Variants in C8orf34 observed in about 807,000 individuals in gnomAD.
C8orf34 encodes the protein uncharacterized protein C8orf34.
In C8orf34, 65 loss-of-function variants were observed where a neutral mutation model predicts 68.3. That is an observed-to-expected ratio of 0.95 (90% CI 0.78 to 1.17). The LOEUF is 1.17. Among genes scored for constraint, C8orf34 ranks in the 50% most tolerant of loss-of-function variants. The pLI is 0.00. For missense variants in C8orf34, 664 were observed against 655.4 expected (o/e 1.01, Z -0.14); for synonymous variants, 244 against 241.2 (o/e 1.01, Z -0.11).
intron 1 of C8orf34, among the ~76,000 whole-genome samples, chr8:68,404,700 T>C (rs756656925): frequency 6.6e-6 from 1 of 152,208 alleles, no homozygotes; most frequent in Non-Finnish European, 1.5e-5. Flanking sequence ...TGTGGCATTA[T>C]TTCTAAGGCC....
intron 9 of C8orf34, among the ~76,000 whole-genome samples, chr8:68,713,943 A>G (rs1821397022): frequency 1.3e-5 from 2 of 152,200 alleles, no homozygotes; most frequent in African/African-American, 4.8e-5. Context: ...ATAATTCACC[A>G]TGATCAAGTG....
intron 7 of C8orf34, among the ~76,000 whole-genome samples, chr8:68,626,546 A>T (rs541815705): frequency 1.3e-5 from 2 of 152,310 alleles, no homozygotes; most frequent in African/African-American, 4.8e-5. Context: ...ATATTATGTA[A>T]CCCAATGCAG....
chr8:68,771,582 C>T (rs1358676322), intron 10 of C8orf34, among the ~76,000 whole-genome samples: 2 of 152,168 alleles, frequency 1.3e-5, no homozygotes, highest in Non-Finnish European at 2.9e-5. Context: ...CCAAATTTTC[C>T]TTCTTCCTAA....
At chr8:68,443,114 C>A (rs1429461836) in intron 2 of C8orf34, among the ~76,000 whole-genome samples, 1 of 152,082 alleles carries the variant, frequency 6.6e-6, no homozygotes, top group African/African-American at 2.4e-5. Context: ...GAGCATCCAC[C>A]ATCCCAGGAA....
At chr8:68,574,733 A>G (rs1471564197) in intron 7 of C8orf34, among the ~76,000 whole-genome samples, 1 of 152,042 alleles carries the variant, frequency 6.6e-6, no homozygotes, top group African/African-American at 2.4e-5. Context: ...TACTTATGGA[A>G]GATCTTATTT....
In C8orf34 at chr8:68,577,179, A is replaced by T. The variant is rs183191180; in HGVS notation, c.1105+44030A>T. ...GTTTCTCCAAGGCGCAGGTATTGCT[A>T]ATTGAGAAAAAATAAGAAATACAGA... On this transcript the variant is annotated intron_variant, in intron 7 of 13. Coordinates refer to ENST00000518698, the MANE Select transcript of C8orf34 (RefSeq NM_052958.4). 5.9e-5 allele frequency among the ~76,000 whole-genome samples: 9 copies of T among 152,106 alleles called. No homozygotes were observed. The East Asian group carries it at 1.7e-3, about 29-fold the overall frequency.
chr8:68,522,619 A>G (rs1311224072), intron 6 of C8orf34, among the ~76,000 whole-genome samples: 1 of 152,216 alleles, frequency 6.6e-6, no homozygotes, highest in Non-Finnish European at 1.5e-5. Flanking sequence ...GTAATAGTGA[A>G]TTAATGTTGA....
intron 10 of C8orf34, among the ~76,000 whole-genome samples, chr8:68,753,558 T>C (rs1048569215): frequency 5.3e-5 from 8 of 152,224 alleles, no homozygotes; most frequent in African/African-American, 1.9e-4. Context: ...ATCTTTGTTA[T>C]CACAGAAATT....
In C8orf34 at chr8:68,521,947, A is replaced by G. The variant is rs1383306271; in HGVS notation, c.914A>G (p.Asp305Gly). The change falls in exon 6 of 14, where the codon GAT becomes GGT. Residue 305 changes from aspartate to glycine, a missense_variant. Asp to Gly is a moderately conservative substitution (Grantham distance 94). Coordinates refer to ENST00000518698, the MANE Select transcript of C8orf34 (RefSeq NM_052958.4). ...AAAAATGACCAATGGGAAAGTGAAG[A>G]TAGTGGCTCTAGTCCTGCAGGAAGG... ...RSKNDQWESEDSGSSPAGSLK... is the reference protein window; with the variant it reads ...RSKNDQWESEGSGSSPAGSLK... 1 of 1,613,958 alleles carries G rather than the reference A, an allele frequency of 6.2e-7. No individual in the cohort carries two copies. Among genetic ancestry groups the G allele is most frequent in the African/African-American group, 1.3e-5 (1 of 74,936 alleles).
intron 8 of C8orf34, among the ~76,000 whole-genome samples, chr8:68,703,362 TC>T (rs1229601532): frequency 6.6e-6 from 1 of 152,068 alleles, no homozygotes; most frequent in Non-Finnish European, 1.5e-5. Flanking sequence ...CAAATCTCAG[TC>T]AGTTATTTTA....
chr8:68,735,534 C>T (rs769241340), intron 10 of C8orf34, among the ~76,000 whole-genome samples: 1 of 152,092 alleles, frequency 6.6e-6, no homozygotes, highest in Non-Finnish European at 1.5e-5. Context: ...GCCTAAAAAT[C>T]ATGTTTGCTT....
At chr8:68,668,215 A>G (rs1460157696) in intron 8 of C8orf34, among the ~76,000 whole-genome samples, 3 of 152,184 alleles carry the variant, frequency 2.0e-5, no homozygotes, top group African/African-American at 7.2e-5. Context: ...TCCATTCAAA[A>G]TTGCCTTTGG....
intron 7 of C8orf34, among the ~76,000 whole-genome samples, chr8:68,571,061 C>T (rs903133384): frequency 6.6e-6 from 1 of 152,070 alleles, no homozygotes; most frequent in African/African-American, 2.4e-5. Context: ...TGGGAAATGG[C>T]ACTATTCCTC....
At chr8:68,682,908 G>A (rs1403690170) in intron 8 of C8orf34, among the ~76,000 whole-genome samples, 1 of 152,032 alleles carries the variant, frequency 6.6e-6, no homozygotes, top group Non-Finnish European at 1.5e-5. Context: ...GAGTTTTTAG[G>A]AGGAAAAAAA....
At chr8:68,370,295 T>C (rs1247739781) in intron 1 of C8orf34, among the ~76,000 whole-genome samples, 1 of 152,186 alleles carries the variant, frequency 6.6e-6, no homozygotes, top group Non-Finnish European at 1.5e-5. Flanking sequence ...CAAAACATTT[T>C]GCTTATTATT....
At chr8:68,477,229 A>G (rs1171121419) in intron 4 of C8orf34, among the ~76,000 whole-genome samples, 5 of 152,224 alleles carry the variant, frequency 3.3e-5, no homozygotes, top group African/African-American at 1.2e-4. Flanking sequence ...GGTTACAGAG[A>G]AGTCAGGAAT....
intron 8 of C8orf34, among the ~76,000 whole-genome samples, chr8:68,654,733 G>C (rs1819464653): frequency 6.6e-6 from 1 of 152,040 alleles, no homozygotes; most frequent in African/African-American, 2.4e-5. Context: ...ACTTCTACAT[G>C]ATTTCTACAT....
At chr8:68,807,165 A>C (rs2129529789) in intron 12 of C8orf34, among the ~76,000 whole-genome samples, 1 of 152,320 alleles carries the variant, frequency 6.6e-6, no homozygotes, top group Admixed American at 6.5e-5. Context: ...TTGGAAACTC[A>C]CAGCACCACT....
At chr8:68,786,258 G>A (rs1159879193) in intron 11 of C8orf34, among the ~76,000 whole-genome samples, 8 of 152,098 alleles carry the variant, frequency 5.3e-5, no homozygotes, top group Admixed American at 2.0e-4. Context: ...TGTTCTAGAG[G>A]AGAACCATCT....
Sources: gnomAD v4.1 joint callset for allele counts (sites outside exome capture counted in the v4.1 genomes callset) on GRCh38, gnomAD v4.1.1 for gene constraint, MANE v1.5 for transcripts, NCBI Gene and HGNC (gene_info 2026-07-23, HGNC 2026-07-21) for gene names.